Variants in WDHD1 observed in about 807,000 individuals in gnomAD.
The protein encoded by WDHD1 is WD repeat and HMG-box DNA binding protein 1.
WDHD1 carries 111 observed loss-of-function variants against 135.4 expected under a neutral mutation model. That is an observed-to-expected ratio of 0.82 (90% CI 0.70 to 0.96). WDHD1 has a LOEUF of 0.96. WDHD1 is among the 40% of genes least tolerant of loss of function. The probability of loss-of-function intolerance (pLI) is 0.00; values close to 1 mark genes in which losing one functional copy is unlikely to be tolerated. For missense variants in WDHD1, 1,351 were observed against 1,336.3 expected (o/e 1.01, Z -0.17); for synonymous variants, 434 against 439.0 (o/e 0.99, Z 0.14).
chr14:54,986,914 TG>T (rs1474603280), intron 14 of WDHD1, among the ~76,000 whole-genome samples: 2 of 152,204 alleles, frequency 1.3e-5, no homozygotes, highest in Non-Finnish European at 2.9e-5. Context: ...GATTTAGACA[TG>T]GAAGTAATTA....
chr14:54,963,964 T>G (rs1458084255), intron 18 of WDHD1, among the ~76,000 whole-genome samples: 2 of 149,366 alleles, frequency 1.3e-5, no homozygotes, highest in African/African-American at 4.9e-5. Flanking sequence ...ATAAATTAGC[T>G]GGGCGTGGTG....
At chr14:54,949,748 G>T (rs1013939665) in intron 24 of WDHD1, among the ~76,000 whole-genome samples, 2 of 152,182 alleles carry the variant, frequency 1.3e-5, no homozygotes, top group East Asian at 3.8e-4. Context: ...AGAGAGAAAG[G>T]TTAGGTTACC....
chr14:54,971,259 C>T (rs1270653638), intron 16 of WDHD1, among the ~76,000 whole-genome samples: 1 of 152,148 alleles, frequency 6.6e-6, no homozygotes, highest in East Asian at 1.9e-4. Context: ...AACCAAAGAG[C>T]TTCTGCGCAG....
At chr14:54,955,789 T>A (rs1191206673) in intron 23 of WDHD1, 95 bp from the exon 24 acceptor site, 1 of 1,136,694 alleles carries the variant, frequency 8.8e-7, no homozygotes, top group Non-Finnish European at 1.1e-6. Flanking sequence ...CATCTATAAT[T>A]ATTGAGAATT....
intron 24 of WDHD1, among the ~76,000 whole-genome samples, chr14:54,951,866 A>C (rs1387024949): frequency 2.6e-5 from 4 of 152,248 alleles, no homozygotes; most frequent in Admixed American, 1.3e-4. Context: ...AATCCAGCAT[A>C]TAAACAGAAC....
chr14:54,952,724 G>A (rs889343015), intron 24 of WDHD1, among the ~76,000 whole-genome samples: 7 of 152,034 alleles, frequency 4.6e-5, no homozygotes, highest in South Asian at 4.1e-4. Context: ...GAGGCATCAC[G>A]CTACCTGACT....
At chr14:54,991,535 TAA>T (rs1248475971) in intron 11 of WDHD1, 135 bp from the exon 12 acceptor site, 2 of 839,532 alleles carry the variant, frequency 2.4e-6, no homozygotes, top group African/African-American at 1.7e-5. Context: ...TTCACTGTGT[TAA>T]AGAGATGCAG....
At chr14:55,012,260 A>T (rs2042182797) in intron 3 of WDHD1, among the ~76,000 whole-genome samples, 1 of 152,224 alleles carries the variant, frequency 6.6e-6, no homozygotes, top group Non-Finnish European at 1.5e-5. Context: ...GAATATCTAA[A>T]CATCATCTTA....
rs147580048 is a variant in WDHD1 at position 55,014,038 on chromosome 14, A to G, written c.78-442T>C. Among the ~76,000 whole-genome samples the G allele has an allele frequency of 6.4e-3, 975 of 152,382 alleles. 11 individuals carry two copies. Among genetic ancestry groups the G allele is most frequent in the African/African-American group, 0.022 (910 of 41,590 alleles). ...TCATTTTATACACTTAAACTTTAAAAATAAAGTGCTAATTTCCTTCTATAA... is the reference window on the plus strand; with the variant it reads ...TCATTTTATACACTTAAACTTTAAAGATAAAGTGCTAATTTCCTTCTATAA... On this transcript the variant is annotated intron_variant, in intron 2 of 25. Transcript: ENST00000360586.
intron 16 of WDHD1, among the ~76,000 whole-genome samples, chr14:54,974,504 T>C (rs919339797): frequency 6.6e-6 from 1 of 150,876 alleles, no homozygotes; most frequent in African/African-American, 2.4e-5. Context: ...TTTTTTTTTT[T>C]TTTGTTATAT....
At chr14:55,020,712 G>T (rs1566746755) in intron 2 of WDHD1, among the ~76,000 whole-genome samples, 2 of 152,136 alleles carry the variant, frequency 1.3e-5, no homozygotes, top group East Asian at 1.9e-4. Context: ...GGCATTACAG[G>T]TTCCAACCCC....
chr14:55,001,068 AT>A, intron 8 of WDHD1, 76 bp from the exon 9 acceptor site: 2 of 1,008,376 alleles, frequency 2.0e-6, no homozygotes, highest in Non-Finnish European at 2.7e-6. Flanking sequence ...ACCAAATTCA[AT>A]TTTCTTTTCA....
chr14:54,991,843 C>T (rs2041797091), intron 11 of WDHD1, among the ~76,000 whole-genome samples: 1 of 151,996 alleles, frequency 6.6e-6, no homozygotes, highest in Non-Finnish European at 1.5e-5. Flanking sequence ...AAACACATGC[C>T]AGATAAACTA....
chr14:55,022,298 G>C (rs919808136), intron 2 of WDHD1, among the ~76,000 whole-genome samples: 1 of 152,098 alleles, frequency 6.6e-6, no homozygotes, highest in African/African-American at 2.4e-5. Context: ...AAGGCCCGGG[G>C]GTTAGTAGCT....
At chr14:54,949,156 G>A (rs898783220) in intron 24 of WDHD1, among the ~76,000 whole-genome samples, 2 of 152,216 alleles carry the variant, frequency 1.3e-5, no homozygotes, top group African/African-American at 4.8e-5. Flanking sequence ...GACGGAGAAT[G>A]ACTTTGACGA....
chr14:54,960,615 T>C (rs1487366860), intron 21 of WDHD1, among the ~76,000 whole-genome samples: 3 of 151,286 alleles, frequency 2.0e-5, no homozygotes, highest in African/African-American at 7.3e-5. Flanking sequence ...TTCTCCTGCC[T>C]CAGCCTCCCG....
chr14:54,967,171 T>C (rs1322945463), intron 17 of WDHD1, 109 bp downstream of exon 17: 7 of 905,940 alleles, frequency 7.7e-6, no homozygotes, highest in Non-Finnish European at 1.2e-5. Flanking sequence ...ATTTATGTAA[T>C]TATACAGTAA....
intron 14 of WDHD1, among the ~76,000 whole-genome samples, chr14:54,985,076 T>C (rs985945183): frequency 7.2e-5 from 11 of 152,170 alleles, no homozygotes; most frequent in African/African-American, 2.7e-4. Context: ...AAGTGGGCAT[T>C]TATTCACTCA....
intron 12 of WDHD1, among the ~76,000 whole-genome samples, chr14:54,990,394 G>A (rs796945238): frequency 4.6e-5 from 7 of 152,090 alleles, no homozygotes; most frequent in South Asian, 2.1e-4. Flanking sequence ...TCAGGAGATC[G>A]AGACCATCCT....
Sources: gnomAD v4.1 joint callset for allele counts (sites outside exome capture counted in the v4.1 genomes callset) on GRCh38, gnomAD v4.1.1 for gene constraint, MANE v1.5 for transcripts, NCBI Gene and HGNC (gene_info 2026-07-23, HGNC 2026-07-21) for gene names.